The following ITGA8 variants were observed in gnomAD, a reference collection of about 807,000 sequenced individuals.
ITGA8 encodes the protein integrin alpha-8.
A neutral mutation model predicts 142.3 loss-of-function variants in ITGA8; 91 were observed. The observed-to-expected ratio is 0.64, with a 90% CI of 0.54 to 0.76. The LOEUF (loss-of-function observed/expected upper bound fraction) is 0.76, where lower values mean the gene tolerates loss of function less well. ITGA8 is among the 30% of genes least tolerant of loss of function. The probability of loss-of-function intolerance (pLI) is 0.00; values close to 1 mark genes in which losing one functional copy is unlikely to be tolerated. For synonymous variants in ITGA8, 505 were observed against 485.2 expected (o/e 1.04, Z -0.54); for missense variants, 1,406 against 1,327.7 (o/e 1.06, Z -0.92).
chr10:15,719,413 A>G, intron 1 of ITGA8, 150 bp downstream of exon 1: 3 of 635,488 alleles, frequency 4.7e-6, no homozygotes, highest in Non-Finnish European at 7.6e-6. Context: ...AGGGGAGAGA[A>G]GGGGCTGGTG....
At position 15,531,075 on chromosome 10, in the gene ITGA8, G is replaced by C. The variant is rs565775882; in HGVS notation, c.2957C>G (p.Ala986Gly). 26 of 1,576,010 alleles carry C rather than the reference G, an allele frequency of 1.6e-5. No homozygotes were observed. In the South Asian group the frequency reaches 2.8e-4, roughly 17 times the overall value. ...VKKMPYTDQP[A>G]KLPEGSIVIK... Reference sequence around the variant, plus strand: ...TACTATGCTTCCTTCTGGGAGTTTTGCTGGCTGATCTGTATAAGGCATCTT... The same window carrying C: ...TACTATGCTTCCTTCTGGGAGTTTTCCTGGCTGATCTGTATAAGGCATCTT... Residue 986 changes from alanine to glycine, a missense_variant, in exon 28 of 30, where the codon GCA becomes GGA. Ala to Gly is a moderately conservative substitution (Grantham distance 60). Transcript: ENST00000378076.
intron 13 of ITGA8, among the ~76,000 whole-genome samples, chr10:15,622,602 C>CA (rs11341075): frequency 0.01 from 1,102 of 106,870 alleles, 17 homozygotes; most frequent in African/African-American, 0.033. Flanking sequence ...CAAAACAAAA[C>CA]AAAAAAAAAA....
At chr10:15,564,842 G>A (rs1396419097) in intron 25 of ITGA8, among the ~76,000 whole-genome samples, 1 of 152,252 alleles carries the variant, frequency 6.6e-6, no homozygotes, top group African/African-American at 2.4e-5. Context: ...CAACTCTCAT[G>A]TACTTTGCCT....
chr10:15,668,499 G>A (rs1482912271), intron 8 of ITGA8, among the ~76,000 whole-genome samples: 4 of 150,864 alleles, frequency 2.7e-5, no homozygotes, highest in African/African-American at 9.7e-5. Flanking sequence ...TCTTTTAATT[G>A]GAGCATTTAG....
At chr10:15,704,069 T>G (rs1835214470) in intron 2 of ITGA8, among the ~76,000 whole-genome samples, 1 of 152,364 alleles carries the variant, frequency 6.6e-6, no homozygotes, top group East Asian at 1.9e-4. Flanking sequence ...AACCTTGGAA[T>G]GCATCCTTGA....
At chr10:15,676,160 C>T (rs1834626417) in intron 6 of ITGA8, among the ~76,000 whole-genome samples, 1 of 152,220 alleles carries the variant, frequency 6.6e-6, no homozygotes, top group South Asian at 2.1e-4. Flanking sequence ...CCTACGCTGC[C>T]CTCCTGCCTC....
intron 15 of ITGA8, among the ~76,000 whole-genome samples, chr10:15,611,797 C>G (rs1362030694): frequency 1.1e-5 from 1 of 92,672 alleles, no homozygotes; most frequent in Non-Finnish European, 2.3e-5. Flanking sequence ...AACTCTTAAT[C>G]TGGTTAAAAA....
intron 8 of ITGA8, among the ~76,000 whole-genome samples, chr10:15,662,496 G>T (rs954090350): frequency 6.6e-6 from 1 of 151,804 alleles, no homozygotes; most frequent in Non-Finnish European, 1.5e-5. Flanking sequence ...ATGCCACTGT[G>T]CCTGGCTAGT....
At chr10:15,650,625 C>A (rs573014827) in intron 11 of ITGA8, among the ~76,000 whole-genome samples, 4 of 152,258 alleles carry the variant, frequency 2.6e-5, no homozygotes, top group East Asian at 3.9e-4. Flanking sequence ...AAATAAATTT[C>A]TTTTCTTTGC....
At chr10:15,636,747 A>G (rs1452045881) in intron 13 of ITGA8, among the ~76,000 whole-genome samples, 1 of 152,112 alleles carries the variant, frequency 6.6e-6, no homozygotes, top group East Asian at 1.9e-4. Context: ...TGTCATTACC[A>G]TACTTCAGGC....
At chr10:15,570,130 T>C (rs1310075286) in intron 25 of ITGA8, among the ~76,000 whole-genome samples, 1 of 152,220 alleles carries the variant, frequency 6.6e-6, no homozygotes, top group African/African-American at 2.4e-5. Context: ...CTCTATGAAT[T>C]TAGAATTTCA....
intron 2 of ITGA8, among the ~76,000 whole-genome samples, chr10:15,712,504 G>A (rs1440913345): frequency 6.6e-6 from 1 of 152,178 alleles, no homozygotes; most frequent in African/African-American, 2.4e-5. Flanking sequence ...GGGAGGCTGA[G>A]GCAGGAGAAT....
chr10:15,575,887 A>G (rs1834282686), intron 23 of ITGA8, among the ~76,000 whole-genome samples: 1 of 152,072 alleles, frequency 6.6e-6, no homozygotes, highest in Non-Finnish European at 1.5e-5. Flanking sequence ...GAGATGAATA[A>G]CCAAACTTAT....
At chr10:15,702,383 C>G (rs1291147999) in intron 2 of ITGA8, among the ~76,000 whole-genome samples, 1 of 151,862 alleles carries the variant, frequency 6.6e-6, no homozygotes, top group Non-Finnish European at 1.5e-5. Context: ...CTCCGCCTCC[C>G]GGATTCAAGC....
At chr10:15,580,055 A>G (rs1182987151) in intron 23 of ITGA8, among the ~76,000 whole-genome samples, 1 of 151,362 alleles carries the variant, frequency 6.6e-6, no homozygotes, top group African/African-American at 2.4e-5. Flanking sequence ...GAAAACAAAG[A>G]AAAATTAATA....
At chr10:15,533,748 A>G (rs1445717024) in intron 27 of ITGA8, among the ~76,000 whole-genome samples, 1 of 152,222 alleles carries the variant, frequency 6.6e-6, no homozygotes, top group Admixed American at 6.5e-5. Flanking sequence ...GCATTTATAA[A>G]TGCGAAAGTT....
At chr10:15,534,176 C>T (rs913942928) in intron 27 of ITGA8, among the ~76,000 whole-genome samples, 11 of 152,148 alleles carry the variant, frequency 7.2e-5, no homozygotes, top group Admixed American at 3.3e-4. Flanking sequence ...TCCCAAAGTG[C>T]TGGCATCACA....
Position 15,718,794 on chromosome 10 carries a change from C to G in ITGA8, c.315G>C (p.Gln105His), listed in dbSNP as rs1400721968. Reference sequence around the variant, plus strand: ...TGGTGTCAAACGGTATCTGCCTGCACTGCGCAGACCCCTCCGCGGGCCAAG... The same window carrying G: ...TGGTGTCAAACGGTATCTGCCTGCAGTGCGCAGACCCCTCCGCGGGCCAAG... ...YCPWPAEGSA[Q>H]CRQIPFDTTN... The change falls in exon 2 of 30, where the codon CAG becomes CAC. Residue 105 changes from glutamine to histidine, a missense_variant. Transcript: ENST00000378076. 2 of 1,614,238 alleles carry G rather than the reference C, an allele frequency of 1.2e-6. 1 individual carries two copies. Among genetic ancestry groups the G allele is most frequent in the South Asian group, 2.2e-5 (2 of 91,078 alleles).
At chr10:15,523,447 A>G (rs1833106052) in intron 28 of ITGA8, among the ~76,000 whole-genome samples, 1 of 152,206 alleles carries the variant, frequency 6.6e-6, no homozygotes, top group African/African-American at 2.4e-5. Flanking sequence ...CTTTCTGTTT[A>G]CATTTGCTCC....
Sources: allele counts gnomAD v4.1 joint callset (sites outside exome capture counted in the v4.1 genomes callset), GRCh38; gene constraint gnomAD v4.1.1; transcripts MANE v1.5; gene names NCBI Gene and HGNC (gene_info 2026-07-23, HGNC 2026-07-21).